The following GRID2 variants were observed in gnomAD, a reference collection of about 807,000 sequenced individuals.
GRID2 encodes the protein glutamate receptor ionotropic, delta-2.
Under a neutral mutation model 114.8 loss-of-function variants are expected in GRID2, and 33 were observed. The observed-to-expected ratio is 0.29, with a 90% CI of 0.22 to 0.38. The LOEUF is 0.38. Ranked by LOEUF, GRID2 falls within the 10% of genes least tolerant of loss-of-function variation. The pLI is 1.00. For synonymous variants in GRID2, 505 were observed against 449.9 expected, an observed-to-expected ratio of 1.12 and a Z score of -1.55; for missense variants, 1,184 against 1,257.7, an observed-to-expected ratio of 0.94 and a Z score of 0.89.
At chr4:93,130,784 T>TA (rs1270889839) in intron 4 of GRID2, among the ~76,000 whole-genome samples, 1 of 152,218 alleles carries the variant, frequency 6.6e-6, no homozygotes, top group Non-Finnish European at 1.5e-5. Flanking sequence ...CAACAATCTC[T>TA]AAATAAATGG....
chr4:92,388,181 G>A (rs1049163889), intron 1 of GRID2, among the ~76,000 whole-genome samples: 8 of 152,048 alleles, frequency 5.3e-5, no homozygotes, highest in African/African-American at 1.4e-4. Flanking sequence ...AAGGGCAGTC[G>A]TTGATATTGC....
chr4:93,419,794 G>T (rs1768085702), intron 9 of GRID2, among the ~76,000 whole-genome samples: 1 of 152,018 alleles, frequency 6.6e-6, no homozygotes, highest in South Asian at 2.1e-4. Flanking sequence ...TAGAATTAAA[G>T]TCATTTCAAG....
At chr4:93,255,585 T>C (rs1183539364) in intron 8 of GRID2, among the ~76,000 whole-genome samples, 1 of 152,090 alleles carries the variant, frequency 6.6e-6, no homozygotes, top group Non-Finnish European at 1.5e-5. Context: ...CTCACTGGAA[T>C]AAGTGAGTTC....
At position 92,629,458 on chromosome 4, in the gene GRID2, G is replaced by A. The variant is rs373668793; in HGVS notation, c.244+39172G>A. Among the ~76,000 whole-genome samples the A allele has an allele frequency of 6.6e-5, 10 of 152,042 alleles. No individual in the cohort carries two copies. The East Asian group carries it at 1.9e-3, about 29-fold the overall frequency. On this transcript the variant is annotated intron_variant, in intron 2 of 15. Transcript: ENST00000282020. ...AACTACTTCAAAATGTTTCACAGGC[G>A]ACTCCCCTAGGTATTCAATTAAGCA... is the stretch of plus-strand genomic sequence containing the variant.
intron 2 of GRID2, among the ~76,000 whole-genome samples, chr4:92,875,639 C>G (rs1745575557): frequency 6.6e-6 from 1 of 151,838 alleles, no homozygotes; most frequent in Non-Finnish European, 1.5e-5. Context: ...ACATGGTGTG[C>G]AGATATGGCA....
chr4:93,060,895 G>A (rs1393960699), intron 2 of GRID2, among the ~76,000 whole-genome samples: 1 of 152,042 alleles, frequency 6.6e-6, no homozygotes, highest in Non-Finnish European at 1.5e-5. Flanking sequence ...CTGAGGTCAG[G>A]AGTTCGAGAC....
At chr4:92,697,046 T>A (rs1363228745) in intron 2 of GRID2, among the ~76,000 whole-genome samples, 1 of 152,228 alleles carries the variant, frequency 6.6e-6, no homozygotes, top group Admixed American at 6.5e-5. Flanking sequence ...GTGCACTTCC[T>A]ACATTTGAAC....
At chr4:92,717,065 G>A (rs772752231) in intron 2 of GRID2, among the ~76,000 whole-genome samples, 2 of 152,176 alleles carry the variant, frequency 1.3e-5, no homozygotes, top group African/African-American at 2.4e-5. Context: ...CCAGCACAAT[G>A]TCTGGAGTGC....
At chr4:92,718,761 C>T (rs1366859889) in intron 2 of GRID2, among the ~76,000 whole-genome samples, 3 of 41,790 alleles carry the variant, frequency 7.2e-5, no homozygotes, top group African/African-American at 2.9e-4. Context: ...AGACCCTGTC[C>T]AAAAAAAAAA....
At chr4:93,084,208 A>C (rs1730131903) in intron 2 of GRID2, among the ~76,000 whole-genome samples, 1 of 152,112 alleles carries the variant, frequency 6.6e-6, no homozygotes, top group Non-Finnish European at 1.5e-5. Flanking sequence ...CAATTTCTTT[A>C]CATTTACTTA....
chr4:92,910,802 A>G (rs1748319948), intron 2 of GRID2, among the ~76,000 whole-genome samples: 1 of 152,094 alleles, frequency 6.6e-6, no homozygotes. Context: ...CTCACTTATA[A>G]TACTTAATAC....
intron 2 of GRID2, among the ~76,000 whole-genome samples, chr4:92,725,005 A>G (rs1396970401): frequency 6.6e-6 from 1 of 152,140 alleles, no homozygotes; most frequent in Non-Finnish European, 1.5e-5. Flanking sequence ...TTTATTAAGA[A>G]TAAGGAGTTA....
chr4:93,775,762 G>C (rs1439288402), downstream of GRID2, among the ~76,000 whole-genome samples: 5 of 152,132 alleles, frequency 3.3e-5, no homozygotes, highest in Admixed American at 6.5e-5. Context: ...CACAGGCTTT[G>C]GTTTAATCAT....
intron 2 of GRID2, among the ~76,000 whole-genome samples, chr4:92,658,025 A>G (rs1448338549): frequency 1.3e-5 from 2 of 151,802 alleles, no homozygotes; most frequent in Non-Finnish European, 1.5e-5. Context: ...TTATGATATC[A>G]TTGAGTTATT....
At chr4:92,830,758 A>G (rs933382024) in intron 2 of GRID2, among the ~76,000 whole-genome samples, 1 of 152,166 alleles carries the variant, frequency 6.6e-6, no homozygotes, top group Admixed American at 6.6e-5. Flanking sequence ...TTACACTCTT[A>G]TTTAAACTAA....
chr4:92,948,919 T>A (rs1200466335), intron 2 of GRID2, among the ~76,000 whole-genome samples: 1 of 151,980 alleles, frequency 6.6e-6, no homozygotes, highest in Non-Finnish European at 1.5e-5. Flanking sequence ...AATCTAGGAA[T>A]AATATCAGTT....
At chr4:92,620,723 A>T (rs1207137415) in intron 2 of GRID2, among the ~76,000 whole-genome samples, 10 of 151,534 alleles carry the variant, frequency 6.6e-5, no homozygotes, top group Non-Finnish European at 1.5e-4. Flanking sequence ...AACTGTACCA[A>T]AATAAAATAG....
intron 2 of GRID2, among the ~76,000 whole-genome samples, chr4:92,960,949 C>G (rs567699482): frequency 1.3e-5 from 2 of 151,740 alleles, no homozygotes; most frequent in South Asian, 4.1e-4. Flanking sequence ...AGTGGTTGCT[C>G]TGAAGTTTGC....
At chr4:93,585,374 A>G (rs955958987) in intron 13 of GRID2, among the ~76,000 whole-genome samples, 19 of 152,060 alleles carry the variant, frequency 1.2e-4, no homozygotes, top group African/African-American at 4.3e-4. Context: ...TTGCAGTTAG[A>G]ATTGTGTACG....
Sources: allele counts gnomAD v4.1 joint callset (sites outside exome capture counted in the v4.1 genomes callset), GRCh38; gene constraint gnomAD v4.1.1; transcripts MANE v1.5; gene names NCBI Gene and HGNC (gene_info 2026-07-23, HGNC 2026-07-21).